Variants in ZGPAT observed in about 807,000 individuals in gnomAD.
ZGPAT encodes the protein zinc finger CCCH-type with G patch domain-containing protein.
A neutral mutation model predicts 47.9 loss-of-function variants in ZGPAT; 39 were observed. The observed-to-expected ratio is 0.81, with a 90% CI of 0.63 to 1.06. ZGPAT has a LOEUF of 1.06. Ranked by LOEUF, ZGPAT falls within the 50% of genes least tolerant of loss-of-function variation. ZGPAT has a pLI of 0.00. For synonymous variants in ZGPAT, 348 were observed against 292.9 expected (o/e 1.19, Z -1.92); for missense variants, 717 against 681.4 (o/e 1.05, Z -0.58).
intron 2 of ZGPAT, among the ~76,000 whole-genome samples, chr20:63,730,968 CTCTG>C (rs1423262560): frequency 5.1e-4 from 52 of 100,998 alleles, no homozygotes; most frequent in South Asian, 1.6e-3. Context: ...CTCTCTCTCT[CTCTG>C]TGTGTGTGTG....
Position 63,708,699 on chromosome 20 carries a change from A to G in ZGPAT, c.119A>G (p.Gln40Arg). Residue 40 changes from glutamine (Q) to arginine (R), a missense_variant, in exon 2 of 7, where the codon CAG (glutamine) becomes CGG (arginine). Transcript: ENST00000355969. Reference sequence around the variant, plus strand: ...GAGCAGGCTGACCTGCGCCAGCTGCAGGGGGACCTGAAGGAGCTCATCGAG... The same window carrying G: ...GAGCAGGCTGACCTGCGCCAGCTGCGGGGGGACCTGAAGGAGCTCATCGAG... The part of the protein sequence containing the change: ...SSEQADLRQL[Q>R]GDLKELIELT... 6.2e-7 allele frequency: 1 copy of G among 1,612,774 alleles called. No individual in the cohort carries two copies. The highest frequency in any genetic ancestry group is 1.3e-5 in the African/African-American group (1 of 75,054).
intron 2 of ZGPAT, among the ~76,000 whole-genome samples, chr20:63,725,151 AT>A (rs1285714267): frequency 2.0e-5 from 3 of 150,884 alleles, no homozygotes; most frequent in African/African-American, 7.3e-5. Context: ...CGCCCACCTA[AT>A]TTTTTGTATT....
intron 2 of ZGPAT, among the ~76,000 whole-genome samples, chr20:63,717,370 G>T (rs12106094): frequency 9.5e-6 from 1 of 105,664 alleles, no homozygotes; most frequent in Non-Finnish European, 1.8e-5. Context: ...TTGCTGTTGA[G>T]ATGGAGTCTC....
At chr20:63,716,211 G>A (rs1406305051) in intron 2 of ZGPAT, among the ~76,000 whole-genome samples, 2 of 152,148 alleles carry the variant, frequency 1.3e-5, no homozygotes, top group East Asian at 3.8e-4. Flanking sequence ...TGTATTTTTA[G>A]TAGGAACAGC....
At chr20:63,726,511 G>A (rs6122153) in intron 2 of ZGPAT, among the ~76,000 whole-genome samples, 2 of 91,700 alleles carry the variant, frequency 2.2e-5, no homozygotes, top group East Asian at 4.9e-4. Context: ...TTTTTTAATA[G>A]GCTTTTTGTT....
At chr20:63,707,596 G>T (rs1164233760), upstream of ZGPAT, 3 of 155,476 alleles carry the variant, frequency 1.9e-5, no homozygotes, top group African/African-American at 7.2e-5. Context: ...TTAAAACGGG[G>T]ACGGCCCTGG....
At position 63,733,646 on chromosome 20, in the gene ZGPAT, G is replaced by A; in HGVS notation, c.778G>A (p.Val260Met). ...CTCGCTGCTGCTGAGGGAGGCCGTG[G>A]TGGAGGGGGACGGCATCCTGCCCCC... ...FDSLLLREAV[V>M]EGDGILPPLR... Residue 260 changes from valine to methionine, a missense_variant, in exon 4 of 7, where the codon GTG (valine) becomes ATG (methionine). Val to Met is a conservative substitution (Grantham distance 21). Coordinates refer to ENST00000355969, the MANE Select transcript of ZGPAT (RefSeq NM_181485.3). 1 of 1,614,004 alleles carries A rather than the reference G, an allele frequency of 6.2e-7. No homozygotes were observed. Among genetic ancestry groups the A allele is most frequent in the Non-Finnish European group, 8.5e-7 (1 of 1,180,026 alleles).
At chr20:63,720,258 C>T (rs182118376) in intron 2 of ZGPAT, among the ~76,000 whole-genome samples, 351 of 151,572 alleles carry the variant, frequency 2.3e-3, no homozygotes, top group African/African-American at 8.2e-3. Context: ...TGGGTTCAAG[C>T]GATTCTCCTG....
chr20:63,735,955 C>T lies in ZGPAT; in HGVS notation c.*36C>T. 6.3e-7 allele frequency: 1 copy of T among 1,587,498 alleles called. No individual in the cohort carries two copies. Among genetic ancestry groups the T allele is most frequent in the Non-Finnish European group, 8.6e-7 (1 of 1,163,724 alleles). ...AGCACTATGGACGAAGCGTGGGACC[C>T]CAGCACGGGCTGCCCTCAGGAAGAC... is the stretch of plus-strand genomic sequence containing the variant. On this transcript the variant is annotated 3_prime_UTR_variant, in exon 7 of 7. Transcript: ENST00000355969.
chr20:63,720,670 T>TCTTGAACTC (rs1048896847), intron 2 of ZGPAT, among the ~76,000 whole-genome samples: 1 of 151,060 alleles, frequency 6.6e-6, no homozygotes, highest in African/African-American at 2.4e-5. Context: ...CTCTGACTGG[T>TCTTGAACTC]CTTGAACTCC....
chr20:63,709,094 C>G lies in ZGPAT; in HGVS notation c.514C>G (p.Pro172Ala). The G allele has an allele frequency of 6.2e-7, 1 of 1,613,288 alleles. No homozygotes were observed. The change falls in exon 2 of 7, where the codon CCC (proline) becomes GCC (alanine). Residue 172 changes from proline (P) to alanine (A), a missense_variant. Physicochemically the swap from Pro to Ala is conservative, Grantham distance 27. Coordinates refer to ENST00000355969, the MANE Select transcript of ZGPAT (RefSeq NM_181485.3). ...SAGVRVLYLY[P>A]THKSLKPCPF... ...GGGTGTCCGTGTGCTTTACCTGTACCCCACTCACAAGTCTCTGAAGCCGTG... is the reference window on the plus strand; with the variant it reads ...GGGTGTCCGTGTGCTTTACCTGTACGCCACTCACAAGTCTCTGAAGCCGTG...
At chr20:63,732,312 TGA>T (rs1568799313) in intron 2 of ZGPAT, among the ~76,000 whole-genome samples, 2 of 68,820 alleles carry the variant, frequency 2.9e-5, no homozygotes, top group African/African-American at 1.2e-4. Context: ...TGTGTGTGGG[TGA>T]GGGGGCATGT....
At chr20:63,717,332 C>CTTTTTTTTTTTTTTTTTTTTTTT (rs1173734420) in intron 2 of ZGPAT, among the ~76,000 whole-genome samples, 2 of 60,954 alleles carry the variant, frequency 3.3e-5, no homozygotes, top group Non-Finnish European at 5.6e-5. Flanking sequence ...TTTTTCTTTT[C>CTTTTTTTTTTTTTTTTTTTTTTT]TTTTTTTTTT....
intron 2 of ZGPAT, among the ~76,000 whole-genome samples, chr20:63,723,575 C>A (rs1037722250): frequency 1.4e-5 from 2 of 138,090 alleles, no homozygotes; most frequent in Admixed American, 1.5e-4. Flanking sequence ...CTCCATCCTC[C>A]CTTCTCCTCT....
intron 2 of ZGPAT, among the ~76,000 whole-genome samples, chr20:63,732,708 G>A (rs909309026): frequency 2.0e-5 from 3 of 151,566 alleles, no homozygotes; most frequent in Middle Eastern, 3.2e-3. Context: ...GTATACATGT[G>A]TACTTGTGTA....
intron 2 of ZGPAT, among the ~76,000 whole-genome samples, chr20:63,727,438 C>T (rs1445714247): frequency 6.6e-6 from 1 of 151,780 alleles, no homozygotes; most frequent in Non-Finnish European, 1.5e-5. Context: ...GACGGGGTTT[C>T]TCAATATTGG....
At chr20:63,727,232 T>TTTTTTTC (rs1283034424) in intron 2 of ZGPAT, among the ~76,000 whole-genome samples, 2 of 141,682 alleles carry the variant, frequency 1.4e-5, no homozygotes, top group Non-Finnish European at 3.1e-5. Context: ...CATTTGATTT[T>TTTTTTTC]TTTTTTTCTT....
At chr20:63,723,652 C>T (rs1261966045) in intron 2 of ZGPAT, among the ~76,000 whole-genome samples, 1 of 152,194 alleles carries the variant, frequency 6.6e-6, no homozygotes, top group East Asian at 1.9e-4. Context: ...GACATAGCTC[C>T]ATCCTCCCTT....
intron 2 of ZGPAT, among the ~76,000 whole-genome samples, chr20:63,713,739 C>A (rs187230013): frequency 6.6e-6 from 1 of 151,592 alleles, no homozygotes; most frequent in African/African-American, 2.4e-5. Flanking sequence ...GGCATGGTGG[C>A]AGGTGCCTGT....
Sources: allele counts gnomAD v4.1 joint callset (sites outside exome capture counted in the v4.1 genomes callset), GRCh38; gene constraint gnomAD v4.1.1; transcripts MANE v1.5; gene names NCBI Gene and HGNC (gene_info 2026-07-23, HGNC 2026-07-21).